Variants in CYTH1 observed in about 807,000 individuals in gnomAD.
CYTH1 encodes cytohesin-1.
CYTH1 carries 18 observed loss-of-function variants against 61.8 expected under a neutral mutation model. The observed-to-expected ratio is 0.29, with a 90% CI of 0.20 to 0.43. CYTH1 has a LOEUF of 0.43. Ranked by LOEUF, CYTH1 falls within the 20% of genes least tolerant of loss-of-function variation. CYTH1 has a pLI of 1.00. For missense variants in CYTH1, 336 were observed against 510.5 expected, an observed-to-expected ratio of 0.66 and a Z score of 3.29; for synonymous variants, 174 against 184.3, an observed-to-expected ratio of 0.94 and a Z score of 0.45.
chr17:78,782,257 C>T lies in CYTH1; in HGVS notation c.-34G>A. Reference sequence around the variant, plus strand: ...AGCCGGGCTCCGCGCTCCGGCTCGCCGCTCGCGTCCCGCCGCGCCACCCGC... The same window carrying T: ...AGCCGGGCTCCGCGCTCCGGCTCGCTGCTCGCGTCCCGCCGCGCCACCCGC... On this transcript the variant is annotated 5_prime_UTR_variant, in exon 1 of 14. Coordinates refer to ENST00000446868, the MANE Select transcript of CYTH1 (RefSeq NM_004762.6). 8.0e-7 allele frequency: 1 copy of T among 1,253,172 alleles called. No individual in the cohort carries two copies. The highest frequency in any genetic ancestry group is 2.0e-5 in the South Asian group (1 of 50,880). 77.6% of individuals were successfully genotyped at this position (1,253,172 alleles called of 1,614,324 possible). A position where few individuals can be genotyped will look rare whatever the true frequency, so the allele number is the denominator to read the frequency against.
At chr17:78,702,895 C>T (rs1013135203) in intron 3 of CYTH1, among the ~76,000 whole-genome samples, 2 of 152,026 alleles carry the variant, frequency 1.3e-5, no homozygotes, top group African/African-American at 4.8e-5. Flanking sequence ...TATCTCGGCT[C>T]ATTGCAACCT....
chr17:78,707,948 G>T (rs1182772059), intron 3 of CYTH1, among the ~76,000 whole-genome samples: 1 of 152,018 alleles, frequency 6.6e-6, no homozygotes, highest in Non-Finnish European at 1.5e-5. Context: ...CAAAGTGCTG[G>T]GATTACAGCC....
At chr17:78,757,283 C>A (rs767906909) in intron 1 of CYTH1, among the ~76,000 whole-genome samples, 1 of 152,000 alleles carries the variant, frequency 6.6e-6, no homozygotes, top group Non-Finnish European at 1.5e-5. Flanking sequence ...TTAAGAAACC[C>A]TCATCCTTTG....
chr17:78,746,224 T>C (rs1254599992), intron 1 of CYTH1, among the ~76,000 whole-genome samples: 1 of 152,158 alleles, frequency 6.6e-6, no homozygotes, highest in African/African-American at 2.4e-5. Flanking sequence ...TTGTTAAGTT[T>C]TAAATAAGAC....
At chr17:78,689,948 C>T (rs184870634) in intron 11 of CYTH1, among the ~76,000 whole-genome samples, 4 of 151,926 alleles carry the variant, frequency 2.6e-5, no homozygotes, top group Admixed American at 2.6e-4. Flanking sequence ...CTGACTGCTG[C>T]CCCTGCCACC....
chr17:78,758,427 C>T (rs897726000), intron 1 of CYTH1, among the ~76,000 whole-genome samples: 22 of 152,172 alleles, frequency 1.4e-4, no homozygotes, highest in South Asian at 4.2e-4. Context: ...AGCCCAGGCC[C>T]GGTGTGGTGG....
intron 3 of CYTH1, 104 bp from the exon 4 acceptor site, chr17:78,702,708 TC>T: frequency 7.9e-7 from 1 of 1,262,988 alleles, no homozygotes; most frequent in Non-Finnish European, 1.1e-6. Flanking sequence ...GAAAGATTTA[TC>T]CAGGAAAGCA....
chr17:78,690,139 T>C (rs898085327), intron 11 of CYTH1, among the ~76,000 whole-genome samples: 6 of 151,884 alleles, frequency 4.0e-5, no homozygotes, highest in African/African-American at 9.7e-5. Context: ...TCTTAAGAAA[T>C]GTATTCAGCA....
chr17:78,749,816 T>C (rs895669876), intron 1 of CYTH1, among the ~76,000 whole-genome samples: 1 of 152,140 alleles, frequency 6.6e-6, no homozygotes, highest in African/African-American at 2.4e-5. Context: ...ACTTAATACA[T>C]TGTTCAGATG....
At chr17:78,779,281 TCCC>T (rs889680154) in intron 1 of CYTH1, among the ~76,000 whole-genome samples, 4 of 151,294 alleles carry the variant, frequency 2.6e-5, no homozygotes, top group African/African-American at 9.7e-5. Flanking sequence ...ATGCCTGTAA[TCCC>T]AGCTACTCAG....
chr17:78,768,980 T>C (rs571117102), intron 1 of CYTH1, among the ~76,000 whole-genome samples: 1 of 152,028 alleles, frequency 6.6e-6, no homozygotes, highest in Non-Finnish European at 1.5e-5. Context: ...ACCCAGTCTC[T>C]ACTAAAAATA....
intron 11 of CYTH1, among the ~76,000 whole-genome samples, chr17:78,688,640 A>G (rs1048895621): frequency 2.6e-5 from 4 of 152,234 alleles, no homozygotes; most frequent in African/African-American, 9.6e-5. Context: ...TGATGCTTTC[A>G]GCGCAGACAT....
chr17:78,676,010 C>G lies in CYTH1; in HGVS notation c.*81G>C, dbSNP rs1340538103. 3.2e-6 allele frequency: 5 copies of G among 1,554,068 alleles called. No homozygotes were observed. In the East Asian group the frequency reaches 1.2e-4, roughly 37 times the overall value. ...GGGGCCTGGCAGAGGACGCTCTGCTCGGCAGCAGTGCATCCATGGAGGTGC... is the reference window on the plus strand; with the variant it reads ...GGGGCCTGGCAGAGGACGCTCTGCTGGGCAGCAGTGCATCCATGGAGGTGC... On this transcript the variant is annotated 3_prime_UTR_variant, in exon 14 of 14. Transcript: ENST00000446868.
chr17:78,781,688 C>T (rs1233349482), intron 1 of CYTH1, among the ~76,000 whole-genome samples: 1 of 152,110 alleles, frequency 6.6e-6, no homozygotes, highest in Non-Finnish European at 1.5e-5. Flanking sequence ...ACGCCGAGAG[C>T]GGCCGGAAAC....
intron 2 of CYTH1, chr17:78,709,257 T>C (rs1027198436): frequency 1.2e-4 from 22 of 184,148 alleles, no homozygotes; most frequent in African/African-American, 5.2e-4. Flanking sequence ...TCTCAAATCA[T>C]TCAGCCAGTA....
intron 1 of CYTH1, among the ~76,000 whole-genome samples, chr17:78,741,991 G>A (rs990056597): frequency 2.6e-5 from 4 of 152,258 alleles, no homozygotes; most frequent in African/African-American, 4.8e-5. Context: ...GAATGGAATT[G>A]AAGGAGCTGG....
chr17:78,776,164 A>T (rs1567888417), intron 1 of CYTH1, among the ~76,000 whole-genome samples: 1 of 152,166 alleles, frequency 6.6e-6, no homozygotes, highest in Non-Finnish European at 1.5e-5. Context: ...CAACAACAAA[A>T]AAAAGAAATT....
intron 3 of CYTH1, 133 bp from the exon 4 acceptor site, chr17:78,702,737 GAAC>G (rs773358315): frequency 4.2e-4 from 400 of 963,096 alleles, no homozygotes; most frequent in Non-Finnish European, 5.9e-4. Context: ...TAATCTGGTG[GAAC>G]TATGAAAGGC....
chr17:78,777,523 CAA>C (rs2093497494), intron 1 of CYTH1, among the ~76,000 whole-genome samples: 1 of 152,108 alleles, frequency 6.6e-6, no homozygotes, highest in African/African-American at 2.4e-5. Context: ...CTAATGAATA[CAA>C]AAGAGTACTG....
Sources: allele counts gnomAD v4.1 joint callset (sites outside exome capture counted in the v4.1 genomes callset), GRCh38; gene constraint gnomAD v4.1.1; transcripts MANE v1.5; gene names NCBI Gene and HGNC (gene_info 2026-07-23, HGNC 2026-07-21).